The following TTLL5 variants were observed in gnomAD, a reference collection of about 807,000 sequenced individuals.
The protein encoded by TTLL5 is tubulin tyrosine ligase like 5.
TTLL5 carries 132 observed loss-of-function variants against 168.4 expected under a neutral mutation model. The ratio of observed to expected loss-of-function variants is 0.78; its 90% confidence interval spans 0.68 to 0.91. TTLL5 has a LOEUF of 0.91. Among genes scored for constraint, TTLL5 ranks in the 40% least tolerant of loss-of-function variants. The pLI, the probability that TTLL5 is intolerant of heterozygous loss-of-function variation, is 0.00. For synonymous variants in TTLL5, 546 were observed against 558.6 expected, an observed-to-expected ratio of 0.98 and a Z score of 0.32; for missense variants, 1,545 against 1,581.5, an observed-to-expected ratio of 0.98 and a Z score of 0.39.
At chr14:75,692,079 A>G (rs983968112) in intron 6 of TTLL5, among the ~76,000 whole-genome samples, 10 of 152,150 alleles carry the variant, frequency 6.6e-5, no homozygotes, top group African/African-American at 2.2e-4. Context: ...TAGTCAAGAA[A>G]TTTTTTGCTA....
intron 30 of TTLL5, among the ~76,000 whole-genome samples, chr14:75,883,586 G>A (rs935539654): frequency 6.6e-6 from 1 of 152,092 alleles, no homozygotes; most frequent in Admixed American, 6.5e-5. Flanking sequence ...TTTGTCCTTC[G>A]GAAGATCAAT....
chr14:75,779,725 G>A (rs752674685), intron 24 of TTLL5, 23 bp downstream of exon 24: 8 of 1,577,104 alleles, frequency 5.1e-6, no homozygotes, highest in African/African-American at 2.8e-5. Flanking sequence ...GTTAATGAAC[G>A]AAAAATAAGA....
intron 10 of TTLL5, among the ~76,000 whole-genome samples, chr14:75,719,190 A>ACCT (rs1887678750): frequency 6.6e-6 from 1 of 152,110 alleles, no homozygotes; most frequent in South Asian, 2.1e-4. Flanking sequence ...CTTCAGTGTT[A>ACCT]CCTCAAAAAA....
intron 3 of TTLL5, among the ~76,000 whole-genome samples, chr14:75,673,944 A>G (rs148465792): frequency 0.013 from 2,013 of 152,300 alleles, 55 homozygotes; most frequent in African/African-American, 0.043. Context: ...TTTGAGCCAA[A>G]ATGTTAAAGG....
rs58821426 is a variant in TTLL5 at position 75,813,270 on chromosome 14, TTGTGTGTGTGTGTGTGTGTG to T, written c.3172-6709_3172-6690del. Among the ~76,000 whole-genome samples the T allele has an allele frequency of 2.1e-3, 278 of 130,722 alleles. 6 individuals are homozygous for T. The Middle Eastern group carries it at 0.034, about 16-fold the overall frequency. 85.8% of individuals were successfully genotyped at this position (130,722 alleles called of 152,430 possible). The stretch of plus-strand genomic sequence containing the variant: ...TATTATCCAGGCACTGTGTGTGTGT[TTGTGTGTGTGTGTGTGTGTG>T]TGTGTGTGTGTGTGTGTGTGTGTGT... On this transcript the variant is annotated intron_variant, in intron 27 of 31. Transcript: ENST00000298832.
intron 13 of TTLL5, among the ~76,000 whole-genome samples, chr14:75,733,074 AAGG>A (rs1173049147): frequency 1.3e-5 from 2 of 152,226 alleles, no homozygotes; most frequent in Non-Finnish European, 1.5e-5. Flanking sequence ...CTGAGTTTTT[AAGG>A]ATGAGAGATA....
At chr14:75,739,582 C>T (rs1889121554) in intron 15 of TTLL5, among the ~76,000 whole-genome samples, 1 of 152,044 alleles carries the variant, frequency 6.6e-6, no homozygotes, top group African/African-American at 2.4e-5. Flanking sequence ...TTCCACTCAC[C>T]AGAAATTGTA....
Position 75,912,225 on chromosome 14 carries a change from T to G in TTLL5, c.3823+10001T>G, listed in dbSNP as rs371461389. On this transcript the variant is annotated intron_variant, in intron 31 of 31. Coordinates refer to ENST00000298832, the MANE Select transcript of TTLL5 (RefSeq NM_015072.5). ...TTTTCAGAAGACAGAATGGAATACT[T>G]CTCATTCATTCCTCCAGCAAAGTGC... Among the ~76,000 whole-genome samples, 60 of 152,266 alleles carry G rather than the reference T, an allele frequency of 3.9e-4. No homozygotes were observed. The South Asian group carries it at 0.01, about 26-fold the overall frequency.
rs373307730 is a variant in TTLL5 at position 75,706,966 on chromosome 14, A to G, written c.586-52A>G. 6.8e-6 allele frequency: 10 copies of G among 1,465,436 alleles called. No individual in the cohort carries two copies. The African/African-American group carries it at 9.8e-5, about 14-fold the overall frequency. The allele number at this position is 1,465,436 out of a possible 1,614,324, so 90.8% of individuals were successfully genotyped here. A position where few individuals can be genotyped will look rare whatever the true frequency, so the allele number is the denominator to read the frequency against. ...TAAGAACTTTGCTCCCTTATTGTAA[A>G]TTAGGATTCCTGTGTATTTCTATTC... On this transcript the variant is annotated intron_variant, in intron 7 of 31. Transcript: ENST00000298832.
intron 6 of TTLL5, among the ~76,000 whole-genome samples, chr14:75,692,086 G>C (rs569736394): frequency 1.3e-5 from 2 of 152,274 alleles, no homozygotes; most frequent in African/African-American, 4.8e-5. Flanking sequence ...GAAATTTTTT[G>C]CTATGTGACT....
At chr14:75,885,666 G>A (rs930003014) in intron 30 of TTLL5, among the ~76,000 whole-genome samples, 4 of 152,160 alleles carry the variant, frequency 2.6e-5, no homozygotes, top group African/African-American at 9.7e-5. Context: ...GCTTTTCATG[G>A]CTCTCGAAAT....
intron 28 of TTLL5, among the ~76,000 whole-genome samples, chr14:75,836,993 A>C (rs1184594677): frequency 6.6e-6 from 1 of 152,230 alleles, no homozygotes; most frequent in East Asian, 1.9e-4. Flanking sequence ...AAATTACTGT[A>C]ACATTTAGTG....
chr14:75,884,250 T>C (rs2031975172), intron 30 of TTLL5, among the ~76,000 whole-genome samples: 1 of 152,244 alleles, frequency 6.6e-6, no homozygotes, highest in Non-Finnish European at 1.5e-5. Context: ...AGGAAAATTT[T>C]TGAGCCAAAT....
chr14:75,747,501 G>T (rs534071907), intron 17 of TTLL5, among the ~76,000 whole-genome samples: 1 of 149,384 alleles, frequency 6.7e-6, no homozygotes, highest in South Asian at 2.1e-4. Flanking sequence ...ATTGTTGAGT[G>T]TTTGGATTTT....
At chr14:75,817,637 G>T (rs1001300394) in intron 27 of TTLL5, among the ~76,000 whole-genome samples, 6 of 151,720 alleles carry the variant, frequency 4.0e-5, no homozygotes, top group African/African-American at 1.5e-4. Flanking sequence ...AAATTATTAG[G>T]CCCTTAGAAC....
intron 12 of TTLL5, among the ~76,000 whole-genome samples, chr14:75,724,887 T>C (rs762055488): frequency 6.6e-6 from 1 of 152,206 alleles, no homozygotes; most frequent in African/African-American, 2.4e-5. Context: ...GCTATGAGAA[T>C]AGCTTTTGGA....
chr14:75,870,403 C>T (rs116884091), intron 29 of TTLL5, among the ~76,000 whole-genome samples: 1,890 of 152,264 alleles, frequency 0.012, 15 homozygotes, highest in South Asian at 0.025. Flanking sequence ...CCACCACGCC[C>T]GGCCTCTCCT....
At chr14:75,770,175 T>C in intron 20 of TTLL5, among the ~76,000 whole-genome samples, 1 of 77,694 alleles carries the variant, frequency 1.3e-5, no homozygotes, top group African/African-American at 5.5e-5. Context: ...CAAAACTCTG[T>C]CTCGAAAAAA....
intron 30 of TTLL5, among the ~76,000 whole-genome samples, chr14:75,898,362 C>G (rs2032767247): frequency 6.6e-6 from 1 of 152,180 alleles, no homozygotes; most frequent in Non-Finnish European, 1.5e-5. Flanking sequence ...ATATTTTAGG[C>G]CAGGTGCAGT....
Sources: allele counts gnomAD v4.1 joint callset (sites outside exome capture counted in the v4.1 genomes callset), GRCh38; gene constraint gnomAD v4.1.1; transcripts MANE v1.5; gene names NCBI Gene and HGNC (gene_info 2026-07-23, HGNC 2026-07-21).